The following SOX6 variants were observed in gnomAD, a reference collection of about 807,000 sequenced individuals.
SOX6 encodes the protein SRY-box transcription factor 6.
SOX6 carries 11 observed loss-of-function variants against 97.8 expected under a neutral mutation model. That is an observed-to-expected ratio of 0.11 (90% CI 0.07 to 0.19). The LOEUF (loss-of-function observed/expected upper bound fraction) is 0.19. Among genes scored for constraint, SOX6 ranks in the 10% least tolerant of loss-of-function variants. The pLI, the probability that SOX6 is intolerant of heterozygous loss-of-function variation, is 1.00. For missense variants in SOX6, 810 were observed against 1,039.5 expected, an observed-to-expected ratio of 0.78 and a Z score of 3.04; for synonymous variants, 360 against 371.4, an observed-to-expected ratio of 0.97 and a Z score of 0.35.
chr11:16,213,157 G>A (rs1471274921), intron 4 of SOX6, among the ~76,000 whole-genome samples: 1 of 151,982 alleles, frequency 6.6e-6, no homozygotes, highest in Non-Finnish European at 1.5e-5. Flanking sequence ...TGGATACTAG[G>A]AAGGTGTCAG....
chr11:16,682,145 TAGAG>T (rs1325203891), intron 3 of SOX6, among the ~76,000 whole-genome samples: 57 of 152,238 alleles, frequency 3.7e-4, no homozygotes, highest in African/African-American at 1.3e-3. Context: ...CAAAGCCTGG[TAGAG>T]ACACAACAAA....
At chr11:16,423,400 T>C (rs958909491) in intron 1 of SOX6, among the ~76,000 whole-genome samples, 4 of 152,210 alleles carry the variant, frequency 2.6e-5, no homozygotes, top group African/African-American at 9.6e-5. Context: ...GATTAATAAA[T>C]GCAAATGATG....
intron 4 of SOX6, among the ~76,000 whole-genome samples, chr11:16,201,897 T>G (rs1246408126): frequency 7.4e-6 from 1 of 135,410 alleles, no homozygotes; most frequent in African/African-American, 2.8e-5. Context: ...CCTCCCAAAG[T>G]GCTGGGATTA....
At chr11:16,072,330 T>C (rs1473560790) in intron 9 of SOX6, among the ~76,000 whole-genome samples, 1 of 152,194 alleles carries the variant, frequency 6.6e-6, no homozygotes, top group Non-Finnish European at 1.5e-5. Context: ...ATCTACCAAG[T>C]TGAGGAAAGA....
chr11:16,199,792 C>T (rs1055805158), intron 4 of SOX6, among the ~76,000 whole-genome samples: 1 of 152,170 alleles, frequency 6.6e-6, no homozygotes, highest in Non-Finnish European at 1.5e-5. Flanking sequence ...GAAAATATTA[C>T]ATCTAGAAAT....
At chr11:16,049,076 A>T (rs1181467247) in intron 11 of SOX6, among the ~76,000 whole-genome samples, 1 of 152,156 alleles carries the variant, frequency 6.6e-6, no homozygotes, top group Non-Finnish European at 1.5e-5. Context: ...CCTATGAGCT[A>T]GTAATACTAG....
At chr11:16,466,081 G>T (rs2133110934) in intron 1 of SOX6, among the ~76,000 whole-genome samples, 1 of 152,216 alleles carries the variant, frequency 6.6e-6, no homozygotes, top group East Asian at 1.9e-4. Context: ...TGATGTTTTG[G>T]AAATTATTCT....
chr11:16,543,424 C>T (rs577138925), intron 4 of SOX6, among the ~76,000 whole-genome samples: 9 of 151,574 alleles, frequency 5.9e-5, no homozygotes, highest in African/African-American at 1.9e-4. Context: ...AAATCATCTT[C>T]ATTTTCTTTT....
At chr11:16,453,753 T>G (rs530265951) in intron 1 of SOX6, among the ~76,000 whole-genome samples, 8 of 152,224 alleles carry the variant, frequency 5.3e-5, no homozygotes, top group African/African-American at 1.7e-4. Context: ...TTGAGTGAAG[T>G]ACACTGACAA....
At chr11:16,395,995 C>T (rs1858342223) in intron 1 of SOX6, among the ~76,000 whole-genome samples, 1 of 151,572 alleles carries the variant, frequency 6.6e-6, no homozygotes, top group African/African-American at 2.4e-5. Flanking sequence ...CCTCTTCTTT[C>T]TCAGGCTCAT....
At chr11:16,433,561 T>G (rs1240322674) in intron 1 of SOX6, among the ~76,000 whole-genome samples, 2 of 152,126 alleles carry the variant, frequency 1.3e-5, no homozygotes, top group African/African-American at 4.8e-5. Flanking sequence ...ATTTTGGTTA[T>G]TAATATATCA....
chr11:16,387,496 C>T (rs938063035), intron 1 of SOX6, among the ~76,000 whole-genome samples: 1 of 151,862 alleles, frequency 6.6e-6, no homozygotes, highest in African/African-American at 2.4e-5. Context: ...CAGATAGTGG[C>T]AAGCATGATA....
chr11:16,432,482 A>T (rs1859290152), intron 1 of SOX6, among the ~76,000 whole-genome samples: 1 of 152,132 alleles, frequency 6.6e-6, no homozygotes, highest in Non-Finnish European at 1.5e-5. Context: ...AAATAAATTA[A>T]AAAGGTTATT....
chr11:16,068,008 G>A (rs1002229339), intron 9 of SOX6, among the ~76,000 whole-genome samples: 10 of 148,660 alleles, frequency 6.7e-5, no homozygotes, highest in South Asian at 4.1e-4. Context: ...GGGAACCCCA[G>A]GCCTAGCCAA....
chr11:16,315,654 G>A (rs1855738843), intron 3 of SOX6: 1 of 152,054 alleles, frequency 6.6e-6, no homozygotes, highest in Non-Finnish European at 1.5e-5. Context: ...TTAGCTAGTT[G>A]GTCTTATCAG....
intron 1 of SOX6, among the ~76,000 whole-genome samples, chr11:16,393,411 A>C (rs2134429591): frequency 7.3e-6 from 1 of 136,852 alleles, no homozygotes; most frequent in East Asian, 2.7e-4. Context: ...GTTTTCAAAA[A>C]AAATATCCCT....
chr11:16,237,601 C>A (rs1565039313), intron 3 of SOX6, among the ~76,000 whole-genome samples: 1 of 151,804 alleles, frequency 6.6e-6, no homozygotes, highest in South Asian at 2.1e-4. Flanking sequence ...GCAAAGAAGG[C>A]CTGTTTGCAT....
At chr11:15,994,169 A>C (rs1486407929) in intron 13 of SOX6, among the ~76,000 whole-genome samples, 1 of 152,220 alleles carries the variant, frequency 6.6e-6, no homozygotes, top group Admixed American at 6.5e-5. Flanking sequence ...CGATGCTAAC[A>C]GCGGTAATTT....
chr11:16,517,647 C>T (rs533173602), intron 4 of SOX6, among the ~76,000 whole-genome samples: 30 of 152,016 alleles, frequency 2.0e-4, no homozygotes, highest in Non-Finnish European at 4.3e-4. Flanking sequence ...TATATTACAC[C>T]CAATGTTAGG....
Sources: gnomAD v4.1 joint callset for allele counts (sites outside exome capture counted in the v4.1 genomes callset) on GRCh38, gnomAD v4.1.1 for gene constraint, MANE v1.5 for transcripts, NCBI Gene and HGNC (gene_info 2026-07-23, HGNC 2026-07-21) for gene names.